Variants in HELZ observed in about 807,000 individuals in gnomAD.
HELZ encodes the protein helicase with zinc finger, also known as ATP-dependent RNA helicase with zinc finger domain.
A neutral mutation model predicts 218.2 loss-of-function variants in HELZ; 23 were observed. The observed-to-expected ratio is 0.11, with a 90% confidence interval of 0.08 to 0.15. The LOEUF is 0.15. Ranked by LOEUF, HELZ falls within the 10% of genes least tolerant of loss-of-function variation. HELZ has a pLI of 1.00. For missense variants in HELZ, 1,813 were observed against 2,353.7 expected (o/e 0.77, Z 4.75); for synonymous variants, 814 against 829.4 (o/e 0.98, Z 0.32).
chr17:67,205,318 C>T (rs1300527276), intron 5 of HELZ, among the ~76,000 whole-genome samples: 1 of 150,080 alleles, frequency 6.7e-6, no homozygotes, highest in African/African-American at 2.5e-5. Flanking sequence ...AAGAGCGAAA[C>T]TGTCTCAAAA....
At chr17:67,177,474 T>C (rs1299402580) in intron 13 of HELZ, among the ~76,000 whole-genome samples, 3 of 152,048 alleles carry the variant, frequency 2.0e-5, no homozygotes, top group African/African-American at 4.8e-5. Flanking sequence ...CCTACTATGA[T>C]ACTCAAAAAT....
At chr17:67,084,452 G>C (rs1254541179) in intron 32 of HELZ, among the ~76,000 whole-genome samples, 1 of 151,610 alleles carries the variant, frequency 6.6e-6, no homozygotes, top group African/African-American at 2.4e-5. Flanking sequence ...CACAAGGTCA[G>C]GAGATCGAGA....
At chr17:67,229,083 C>T (rs886456981) in intron 3 of HELZ, among the ~76,000 whole-genome samples, 1 of 152,218 alleles carries the variant, frequency 6.6e-6, no homozygotes, top group African/African-American at 2.4e-5. Flanking sequence ...CCTTTCCCCA[C>T]TGAGCAGCAA....
Position 67,078,053 on chromosome 17 carries a change from T to G in HELZ, c.*199A>C. ...ATTCTACATAAAAGCTGTCAAAGTT[T>G]TGACACATCAAAAATGCAAAATAAT... On this transcript the variant is annotated 3_prime_UTR_variant, in exon 33 of 33. Transcript: ENST00000358691. 2.1e-6 allele frequency: 1 copy of G among 482,356 alleles called. No homozygotes were observed. The highest frequency in any genetic ancestry group is 3.9e-5 in the Admixed American group (1 of 25,814). The allele number at this position is 482,356 out of a possible 1,614,324, so 29.9% of individuals were successfully genotyped here.
At chr17:67,242,695 T>C (rs190957946) in intron 2 of HELZ, among the ~76,000 whole-genome samples, 1 of 152,102 alleles carries the variant, frequency 6.6e-6, no homozygotes, top group Admixed American at 6.5e-5. Context: ...ATAAAAATTA[T>C]ATGAAATAAA....
intron 7 of HELZ, among the ~76,000 whole-genome samples, chr17:67,198,186 T>TA (rs1253663193): frequency 6.6e-6 from 1 of 152,194 alleles, no homozygotes; most frequent in African/African-American, 2.4e-5. Context: ...ATAATGGGAA[T>TA]AAAAATGTTT....
intron 23 of HELZ, among the ~76,000 whole-genome samples, 178 bp from the exon 24 acceptor site, chr17:67,129,033 T>C (rs2037892461): frequency 6.6e-6 from 1 of 152,162 alleles, no homozygotes; most frequent in Non-Finnish European, 1.5e-5. Flanking sequence ...GAAGTTTGAT[T>C]TTGAAACTAC....
At chr17:67,111,677 T>TA (rs2037284328) in intron 28 of HELZ, among the ~76,000 whole-genome samples, 1 of 152,200 alleles carries the variant, frequency 6.6e-6, no homozygotes, top group Non-Finnish European at 1.5e-5. Context: ...TTTAGGCCCT[T>TA]AAGATTACTG....
intron 29 of HELZ, 60 bp downstream of exon 29, chr17:67,109,056 A>T: frequency 1.5e-6 from 2 of 1,310,286 alleles, no homozygotes. Context: ...ATGATATTAT[A>T]CAGTCCAAGT....
At chr17:67,242,969 C>G (rs1377296663) in intron 2 of HELZ, among the ~76,000 whole-genome samples, 3 of 151,778 alleles carry the variant, frequency 2.0e-5, no homozygotes, top group Non-Finnish European at 2.9e-5. Flanking sequence ...CTACAGTAAC[C>G]AATCGACCAC....
At chr17:67,210,383 C>A (rs1339047968) in intron 5 of HELZ, among the ~76,000 whole-genome samples, 1 of 152,162 alleles carries the variant, frequency 6.6e-6, no homozygotes, top group Non-Finnish European at 1.5e-5. Flanking sequence ...TCATTTACTT[C>A]ACAGGCCAAG....
chr17:67,089,666 T>TAG (rs1204609061), intron 31 of HELZ, among the ~76,000 whole-genome samples: 124 of 54,812 alleles, frequency 2.3e-3, no homozygotes, highest in South Asian at 0.015. Flanking sequence ...TATATATATA[T>TAG]ATAGAGAGAG....
chr17:67,132,846 C>T (rs1448281054), intron 23 of HELZ, among the ~76,000 whole-genome samples: 1 of 152,150 alleles, frequency 6.6e-6, no homozygotes, highest in African/African-American at 2.4e-5. Context: ...TCCTTAAAAA[C>T]TTGATTGATA....
intron 20 of HELZ, among the ~76,000 whole-genome samples, chr17:67,148,183 T>C (rs763132280): frequency 7.2e-5 from 11 of 152,078 alleles, no homozygotes; most frequent in African/African-American, 1.2e-4. Context: ...ACCTGTGGGA[T>C]TGGACATTAT....
At chr17:67,244,629 G>C in intron 1 of HELZ, 1 of 942,226 alleles carries the variant, frequency 1.1e-6, no homozygotes, top group Non-Finnish European at 1.3e-6. Flanking sequence ...AGCCCTCCGC[G>C]GGGGAGGGAG....
intron 12 of HELZ, among the ~76,000 whole-genome samples, chr17:67,185,905 C>T (rs1046775708): frequency 6.6e-6 from 1 of 152,072 alleles, no homozygotes; most frequent in African/African-American, 2.4e-5. Flanking sequence ...TCCTCTCTAC[C>T]ACATCTGAAT....
upstream of HELZ, chr17:67,245,484 G>A: frequency 1.0e-6 from 1 of 985,678 alleles, no homozygotes; most frequent in Non-Finnish European, 1.2e-6. Context: ...GTTCCTGCCC[G>A]GGCAGACGCC....
intron 5 of HELZ, among the ~76,000 whole-genome samples, chr17:67,209,733 TTAAGCAAG>T (rs11276034): frequency 0.21 from 31,431 of 152,022 alleles, 3,455 homozygotes; most frequent in African/African-American, 0.29. Context: ...CTCTGTGCTC[TTAAGCAAG>T]TAACTTAATC....
In HELZ at chr17:67,108,081, T is replaced by C. The variant is rs1305425813; in HGVS notation, c.4725-396A>G. Among the ~76,000 whole-genome samples, 2 of 152,308 alleles carry C rather than the reference T, an allele frequency of 1.3e-5. No individual in the cohort carries two copies. Among genetic ancestry groups the C allele is most frequent in the East Asian group, 3.9e-4 (2 of 5,176 alleles). ...AAATACTCATATGTAGCTGGAATTA[T>C]AGGAATGTAGAATTCTGTGCCACCA... On this transcript the variant is annotated intron_variant, in intron 30 of 32. Transcript: ENST00000358691. The surrounding 1 kb of genome is among the most constrained non-coding windows in gnomAD (Gnocchi z 4.1).
Sources: gnomAD v4.1 joint callset for allele counts (sites outside exome capture counted in the v4.1 genomes callset) on GRCh38, gnomAD v4.1.1 for gene constraint, Gnocchi (gnomAD v3.1) non-coding constraint, MANE v1.5 for transcripts, NCBI Gene and HGNC (gene_info 2026-07-23, HGNC 2026-07-21) for gene names.